Variants in ATG7 observed in about 807,000 individuals in gnomAD.
ATG7 encodes ubiquitin-like modifier-activating enzyme ATG7.
In ATG7, 70 loss-of-function variants were observed where a neutral mutation model predicts 82.4. The ratio of observed to expected loss-of-function variants is 0.85; its 90% CI spans 0.70 to 1.04. The LOEUF (loss-of-function observed/expected upper bound fraction) is 1.04, where lower values mean the gene tolerates loss of function less well. Among genes scored for constraint, ATG7 ranks in the 50% least tolerant of loss-of-function variants. The pLI is 0.00. For synonymous variants in ATG7, 287 were observed against 313.0 expected (o/e 0.92, Z 0.88); for missense variants, 792 against 864.3 (o/e 0.92, Z 1.05).
chr3:11,575,768 C>T, the ATG7 span, among the ~76,000 whole-genome samples: 2 of 152,208 alleles, frequency 1.3e-5, no homozygotes, highest in Admixed American at 6.5e-5. Flanking sequence ...TAGAATGAGG[C>T]GTAAAGTCAG....
chr3:11,417,805 A>ATTATTTTTTTTTTTTTT (rs1559578331), intron 19 of ATG7, among the ~76,000 whole-genome samples: 1 of 52,740 alleles, frequency 1.9e-5, no homozygotes, highest in African/African-American at 6.5e-5. Flanking sequence ...TTATTATTTT[A>ATTATTTTTTTTTTTTTT]TTTTATTTTA....
intron 11 of ATG7, among the ~76,000 whole-genome samples, chr3:11,333,314 G>A (rs1000740487): frequency 2.0e-5 from 3 of 152,176 alleles, no homozygotes; most frequent in African/African-American, 4.8e-5. Flanking sequence ...TCTCTAGGCA[G>A]TTTTTTCAGT....
rs780987012 is a variant in ATG7, at chr3:11,477,223, C to A, written c.2079+50297C>A. On this transcript the variant is annotated intron_variant, in intron 20 of 20. Transcript: ENST00000693202. ...AATCAAGCACTTCTGTGAATGGAAT[C>A]TTTTATTCCTCGCCCATCTGATTCT... 8 of 1,286,246 alleles carry A rather than the reference C, an allele frequency of 6.2e-6. No homozygotes were observed. In the Admixed American group the frequency reaches 1.6e-4, roughly 26 times the overall value. The allele number at this position is 1,286,246 out of a possible 1,614,324, so 79.7% of individuals were successfully genotyped here.
At chr3:11,411,457 C>T (rs932848059) in intron 19 of ATG7, among the ~76,000 whole-genome samples, 6 of 151,670 alleles carry the variant, frequency 4.0e-5, no homozygotes, top group Non-Finnish European at 7.4e-5. Flanking sequence ...AACCCCGTCT[C>T]TAAAAATACA....
intron 7 of ATG7, among the ~76,000 whole-genome samples, chr3:11,312,646 A>G (rs954850304): frequency 6.6e-6 from 1 of 152,236 alleles, no homozygotes; most frequent in Non-Finnish European, 1.5e-5. Context: ...TTTGCCTTGT[A>G]CATAGCAAGG....
chr3:11,336,026 G>C (rs1184059031), intron 11 of ATG7, among the ~76,000 whole-genome samples: 2 of 148,516 alleles, frequency 1.3e-5, no homozygotes, highest in African/African-American at 5.0e-5. Flanking sequence ...ATGAGCCACT[G>C]TGCCCGGTCA....
At chr3:11,559,757 C>T (rs1477070947), downstream of ATG7, among the ~76,000 whole-genome samples, 4 of 152,156 alleles carry the variant, frequency 2.6e-5, no homozygotes, top group Non-Finnish European at 5.9e-5. Context: ...AGACAAACAC[C>T]GGGCATCCTG....
chr3:11,558,898 C>G (rs2072693159), downstream of ATG7: 1 of 1,548,460 alleles, frequency 6.5e-7, no homozygotes, highest in Admixed American at 1.7e-5. Context: ...TTGCAGCACC[C>G]TCCCTCAGGC....
At chr3:11,359,712 A>G (rs1439698798) in intron 15 of ATG7, among the ~76,000 whole-genome samples, 2 of 147,526 alleles carry the variant, frequency 1.4e-5, no homozygotes, top group African/African-American at 2.5e-5. Context: ...ACCCCAAAGA[A>G]ACAAAAAAAC....
At chr3:11,448,698 A>G (rs2084810357) in intron 20 of ATG7, among the ~76,000 whole-genome samples, 1 of 152,204 alleles carries the variant, frequency 6.6e-6, no homozygotes, top group African/African-American at 2.4e-5. Context: ...GTAGATTTCA[A>G]TAAACACCAC....
In ATG7 at chr3:11,360,660, C is replaced by A; in HGVS notation, c.1559C>A (p.Ala520Asp). ...HGLKKPKQQG[A>D]GDLCPNHPVA... is the part of the protein sequence containing the mutation. Reference sequence around the variant, plus strand: ...CTGAAGAAACCAAAGCAGCAAGGAGCTGGGGACTTGTGTCCAAACCACCCT... The same window carrying A: ...CTGAAGAAACCAAAGCAGCAAGGAGATGGGGACTTGTGTCCAAACCACCCT... The change falls in exon 16 of 21, where the codon GCT becomes GAT. Residue 520 changes from alanine to aspartate, a missense_variant. Ala to Asp is a moderately radical substitution (Grantham distance 126). Transcript: ENST00000693202. 1 of 1,614,174 alleles carries A rather than the reference C, an allele frequency of 6.2e-7. No individual in the cohort carries two copies. The highest frequency in any genetic ancestry group is 2.2e-5 in the East Asian group (1 of 44,886).
intron 20 of ATG7, among the ~76,000 whole-genome samples, chr3:11,460,809 T>A (rs1048035514): frequency 1.3e-5 from 2 of 152,218 alleles, no homozygotes; most frequent in Admixed American, 6.5e-5. Context: ...AGAGTCACTG[T>A]CTATGCCTGG....
chr3:11,432,726 A>T (rs1576375722), intron 20 of ATG7, among the ~76,000 whole-genome samples: 1 of 152,178 alleles, frequency 6.6e-6, no homozygotes, highest in Non-Finnish European at 1.5e-5. Flanking sequence ...ATGGGGGATT[A>T]GGAGGTTCAA....
At chr3:11,420,697 AG>A (rs780064104) in intron 19 of ATG7, among the ~76,000 whole-genome samples, 7 of 151,978 alleles carry the variant, frequency 4.6e-5, no homozygotes, top group Non-Finnish European at 7.4e-5. Flanking sequence ...TAGTCTATTA[AG>A]TGTGCAATAG....
At chr3:11,314,059 G>A (rs752752621) in intron 8 of ATG7, among the ~76,000 whole-genome samples, 10 of 152,176 alleles carry the variant, frequency 6.6e-5, no homozygotes, top group Non-Finnish European at 1.3e-4. Flanking sequence ...GGAAACATAA[G>A]GCAGTATAGT....
the ATG7 span, among the ~76,000 whole-genome samples, chr3:11,569,908 T>G: frequency 1.3e-5 from 2 of 152,152 alleles, no homozygotes; most frequent in Non-Finnish European, 2.9e-5. Flanking sequence ...TAGCACATCT[T>G]TAATCTTAAA....
chr3:11,342,354 C>A, intron 13 of ATG7, 75 bp downstream of exon 13: 1 of 1,492,774 alleles, frequency 6.7e-7, no homozygotes, highest in Non-Finnish European at 8.9e-7. Flanking sequence ...CTCATGATTG[C>A]CTTCCATCTC....
At chr3:11,296,833 C>A (rs1946003402) in intron 3 of ATG7, among the ~76,000 whole-genome samples, 2 of 152,220 alleles carry the variant, frequency 1.3e-5, no homozygotes, top group African/African-American at 4.8e-5. Flanking sequence ...CCATCTGCTT[C>A]ACGGTGTCTT....
At chr3:11,570,212 C>T in the ATG7 span, among the ~76,000 whole-genome samples, 9 of 152,184 alleles carry the variant, frequency 5.9e-5, no homozygotes, top group East Asian at 1.4e-3. Context: ...TGGCATCAGC[C>T]GCTCAGGGTC....
Sources: gnomAD v4.1 joint callset for allele counts (sites outside exome capture counted in the v4.1 genomes callset) on GRCh38, gnomAD v4.1.1 for gene constraint, MANE v1.5 for transcripts, NCBI Gene and HGNC (gene_info 2026-07-23, HGNC 2026-07-21) for gene names.